Variants in CACNA1A observed in about 807,000 individuals in gnomAD.
CACNA1A encodes the protein voltage-dependent P/Q-type calcium channel subunit alpha-1A.
Under a neutral mutation model 262.4 loss-of-function variants are expected in CACNA1A, and 57 were observed. The ratio of observed to expected loss-of-function variants is 0.22; its 90% confidence interval spans 0.18 to 0.27. The LOEUF is 0.27. CACNA1A is among the 10% of genes least tolerant of loss of function. The pLI, the probability that CACNA1A is intolerant of heterozygous loss-of-function variation, is 1.00. For missense variants in CACNA1A, 2,526 were observed against 3,562.8 expected (o/e 0.71, Z 7.41); for synonymous variants, 1,431 against 1,419.3 (o/e 1.01, Z -0.18).
chr19:13,207,945 C>T lies in CACNA1A; in HGVS notation c.6889G>A (p.Val2297Met), dbSNP rs1486329875. Reference protein sequence around the residue: ...PQTPSTPRPHVSYSPVIRKAG... With the variant: ...PQTPSTPRPHMSYSPVIRKAG... The stretch of plus-strand genomic sequence containing the variant: ...TTACGGATCACAGGGGAATAGGACA[C>T]GTGTGGCCGGGGGGTGGAGGGGGTC... Residue 2297 changes from valine to methionine, a missense_variant, in exon 47 of 47, where the codon GTG becomes ATG. Physicochemically the swap from Val to Met is conservative, Grantham distance 21. Around this residue, in one of 17 missense-constraint regions of CACNA1A, gnomAD observed 929 missense variants for 868.1 expected, o/e 1.07. Transcript: ENST00000360228. The surrounding 1 kb of genome is among the most constrained non-coding windows in gnomAD (Gnocchi z 5.7). 1.7e-6 allele frequency: 2 copies of T among 1,207,440 alleles called. No homozygotes were observed. Among genetic ancestry groups the T allele is most frequent in the South Asian group, 1.8e-5 (1 of 55,084 alleles). 74.8% of individuals were successfully genotyped at this position (1,207,440 alleles called of 1,614,324 possible).
At chr19:13,261,797 CCT>C in intron 25 of CACNA1A, 187 bp from the exon 26 acceptor site, 1 of 576,354 alleles carries the variant, frequency 1.7e-6, no homozygotes, top group Admixed American at 3.0e-5. Flanking sequence ...TGGACTCAAT[CCT>C]GGCATTCTAT....
chr19:13,348,989 C>T (rs1490974400), intron 6 of CACNA1A, among the ~76,000 whole-genome samples: 2 of 117,290 alleles, frequency 1.7e-5, no homozygotes, highest in African/African-American at 3.4e-5. Context: ...GCCTGGGTGA[C>T]AGAGTGAGAC....
At position 13,465,770 on chromosome 19, in the gene CACNA1A, T is replaced by TA. The variant is rs200767626; in HGVS notation, c.294-10559dup. 9.3e-3 allele frequency among the ~76,000 whole-genome samples: 1,424 copies of TA among 152,338 alleles called. 10 individuals are homozygous for TA. Among genetic ancestry groups the TA allele is most frequent in the Non-Finnish European group, 0.013 (895 of 68,014 alleles). The stretch of plus-strand genomic sequence containing the variant: ...TCCCAAAGTTCTGGGATTACAGGTG[T>TA]AAGCCACTGTGTCCAGCCACATCAT... On this transcript the variant is annotated intron_variant, in intron 1 of 46. Transcript: ENST00000360228.
intron 1 of CACNA1A, among the ~76,000 whole-genome samples, chr19:13,503,290 G>A (rs1191636453): frequency 2.6e-5 from 4 of 152,128 alleles, no homozygotes; most frequent in Admixed American, 1.3e-4. Flanking sequence ...GAGCAACTAG[G>A]AGGCGGTATG....
intron 9 of CACNA1A, among the ~76,000 whole-genome samples, chr19:13,332,601 C>T (rs367582065): frequency 1.3e-5 from 2 of 151,974 alleles, no homozygotes; most frequent in African/African-American, 4.8e-5. Context: ...GAAACAATCT[C>T]GTGAGCTAGG....
At chr19:13,389,390 C>T (rs1394926277) in intron 3 of CACNA1A, among the ~76,000 whole-genome samples, 4 of 152,050 alleles carry the variant, frequency 2.6e-5, no homozygotes, top group African/African-American at 9.7e-5. Flanking sequence ...GTACCTGCCC[C>T]TAACAGACCT....
At chr19:13,255,985 C>A in intron 28 of CACNA1A, among the ~76,000 whole-genome samples, 1 of 146,756 alleles carries the variant, frequency 6.8e-6, no homozygotes, top group East Asian at 2.0e-4. Context: ...TCCCTCCCTC[C>A]CTCCTTCCTT....
chr19:13,388,240 CTCTTCTTTTT>C (rs769052828), intron 3 of CACNA1A, among the ~76,000 whole-genome samples: 2 of 137,788 alleles, frequency 1.5e-5, no homozygotes, highest in East Asian at 2.1e-4. Flanking sequence ...CGATTTCTTC[CTCTTCTTTTT>C]TTTTTTTTTT....
At chr19:13,503,647 A>T (rs1403043526) in intron 1 of CACNA1A, among the ~76,000 whole-genome samples, 2 of 39,910 alleles carry the variant, frequency 5.0e-5, no homozygotes, top group African/African-American at 1.9e-4. Context: ...CCACCCCGCC[A>T]CCGCCCTCCG....
intron 3 of CACNA1A, among the ~76,000 whole-genome samples, chr19:13,447,622 T>A (rs1267720054): frequency 6.6e-6 from 1 of 152,204 alleles, no homozygotes; most frequent in Non-Finnish European, 1.5e-5. Flanking sequence ...CAGTGGTGGA[T>A]CCGTCAGAGT....
chr19:13,484,706 C>A (rs1428454906), intron 1 of CACNA1A, among the ~76,000 whole-genome samples: 1 of 152,154 alleles, frequency 6.6e-6, no homozygotes, highest in Non-Finnish European at 1.5e-5. Flanking sequence ...CCTGACAGTG[C>A]CTTTAGGATA....
intron 18 of CACNA1A, 54 bp from the exon 19 acceptor site, chr19:13,299,407 T>G: frequency 6.5e-7 from 1 of 1,534,950 alleles, no homozygotes; most frequent in Non-Finnish European, 8.9e-7. Flanking sequence ...GTAGCTTGGA[T>G]GGATGACCCA....
chr19:13,215,723 T>A (rs2054985926), intron 38 of CACNA1A, among the ~76,000 whole-genome samples: 1 of 151,458 alleles, frequency 6.6e-6, no homozygotes, highest in Non-Finnish European at 1.5e-5. Context: ...TTCAAGAGAT[T>A]CTCCCGCTTC....
intron 3 of CACNA1A, among the ~76,000 whole-genome samples, chr19:13,448,759 G>A (rs542853283): frequency 1.4e-4 from 21 of 152,282 alleles, no homozygotes; most frequent in African/African-American, 5.1e-4. Context: ...ATAGCCCAAA[G>A]CTGGAAACAA....
chr19:13,260,351 G>C (rs1324528768), intron 26 of CACNA1A: 1 of 140,066 alleles, frequency 7.1e-6, no homozygotes, highest in Non-Finnish European at 1.5e-5. Context: ...GTTGTTGTTT[G>C]TTTGTTTGTT....
At chr19:13,413,304 C>T (rs1403457141) in intron 3 of CACNA1A, among the ~76,000 whole-genome samples, 1 of 151,272 alleles carries the variant, frequency 6.6e-6, no homozygotes. Context: ...GATGGGGTTT[C>T]ACTGTGTTAG....
chr19:13,209,527 G>C (rs989652217), intron 44 of CACNA1A, 29 bp from the exon 45 acceptor site: 1 of 1,280,912 alleles, frequency 7.8e-7, no homozygotes, highest in Non-Finnish European at 9.9e-7. Context: ...CGGTGGGCTG[G>C]GGTCAGCAGC....
intron 10 of CACNA1A, among the ~76,000 whole-genome samples, chr19:13,320,268 G>GAGAGAGAGAA (rs2058225813): frequency 1.3e-5 from 2 of 149,870 alleles, no homozygotes; most frequent in Admixed American, 1.3e-4. Context: ...GAGAGAGAGA[G>GAGAGAGAGAA]AGAGAGAAAC....
rs141496070 is a variant in CACNA1A, at chr19:13,332,210, G to A, written c.1255+659C>T. ...GAGGCAAGGAGTTCAAGACCAGCCC[G>A]GCCAACATGGCGAAACCCCATCTCT... On this transcript the variant is annotated intron_variant, in intron 9 of 46. Coordinates refer to ENST00000360228, the MANE Select transcript of CACNA1A (RefSeq NM_001127222.2). 3.6e-3 allele frequency among the ~76,000 whole-genome samples: 549 copies of A among 152,222 alleles called. 5 individuals carry two copies. The highest frequency in any genetic ancestry group is 0.012 in the African/African-American group (487 of 41,546).
Sources: allele counts gnomAD v4.1 joint callset (sites outside exome capture counted in the v4.1 genomes callset), GRCh38; gene constraint gnomAD v4.1.1; regional missense constraint gnomAD v4.1.1; non-coding constraint Gnocchi (gnomAD v3.1); transcripts MANE v1.5; gene names NCBI Gene and HGNC (gene_info 2026-07-23, HGNC 2026-07-21).